The following CAMK2G variants were observed in gnomAD, a reference collection of about 807,000 sequenced individuals.
CAMK2G encodes the protein calcium/calmodulin dependent protein kinase II gamma, also known as calcium/calmodulin-dependent protein kinase type II subunit gamma.
Under a neutral mutation model 88.7 loss-of-function variants are expected in CAMK2G, and 23 were observed. The observed-to-expected ratio is 0.26, with a 90% CI of 0.19 to 0.37. CAMK2G has a LOEUF of 0.37. CAMK2G is among the 10% of genes least tolerant of loss of function. CAMK2G has a pLI of 1.00. For missense variants in CAMK2G, 476 were observed against 780.8 expected (o/e 0.61, Z 4.65); for synonymous variants, 263 against 294.8 (o/e 0.89, Z 1.11).
intron 16 of CAMK2G, among the ~76,000 whole-genome samples, chr10:73,825,017 C>T (rs1027720276): frequency 2.0e-5 from 3 of 152,142 alleles, no homozygotes; most frequent in Non-Finnish European, 4.4e-5. Context: ...CTGGGAGGTT[C>T]AGCTGAGAGC....
At chr10:73,825,222 G>T in intron 16 of CAMK2G, 57 bp downstream of exon 16, 1 of 1,224,836 alleles carries the variant, frequency 8.2e-7, no homozygotes, top group Non-Finnish European at 1.2e-6. Flanking sequence ...AGGAGGAAGA[G>T]GGAAGGGGCA....
At chr10:73,854,642 G>A (rs968256488) in intron 3 of CAMK2G, among the ~76,000 whole-genome samples, 1 of 152,116 alleles carries the variant, frequency 6.6e-6, no homozygotes, top group African/African-American at 2.4e-5. Context: ...TTCCTGGGTG[G>A]GCCCTGGCTG....
intron 14 of CAMK2G, among the ~76,000 whole-genome samples, chr10:73,832,289 G>C (rs1339754660): frequency 6.6e-6 from 1 of 150,424 alleles, no homozygotes; most frequent in Non-Finnish European, 1.5e-5. Context: ...ACCAAATTTA[G>C]AATGATAGTG....
rs1426246982 is a variant in CAMK2G, at chr10:73,837,476, C to T, written c.1045G>A (p.Gly349Ser). The T allele has an allele frequency of 1.2e-5, 20 of 1,613,356 alleles. No homozygotes were observed. The highest frequency in any genetic ancestry group is 1.7e-5 in the Admixed American group (1 of 59,990). The change falls in exon 14 of 23, where the codon GGT (glycine) becomes AGT (serine). Residue 349 changes from glycine to serine, a missense_variant. Physicochemically the swap from Gly to Ser is moderately conservative, Grantham distance 56. Transcript: ENST00000423381. ...KSLLNKKSDG[G>S]VKKRKSSSSV... ...AGGCTGGAGACACTTACCTTGACAC[C>T]GCCATCCGACTTCTTGTTCAATAGG...
Position 73,874,403 on chromosome 10 carries a change from A to C in CAMK2G, c.59T>G (p.Leu20Arg). 1 of 1,499,726 alleles carries C rather than the reference A, an allele frequency of 6.7e-7. No individual in the cohort carries two copies. Among genetic ancestry groups the C allele is most frequent in the Non-Finnish European group, 9.0e-7 (1 of 1,113,944 alleles). The allele number at this position is 1,499,726 out of a possible 1,614,324, so 92.9% of individuals were successfully genotyped here. A position where few individuals can be genotyped will look rare whatever the true frequency, so the allele number is the denominator to read the frequency against. ...CGCGGCGGGCGGGCCGTACTTGCCA[A>C]GCTCCTCGAAGAGCTGGTAGTCGTC... ...FTDDYQLFEE[L>R]GKGAFSVVRR... Residue 20 changes from leucine (L) to arginine (R), a missense_variant, in exon 1 of 23, where the codon CTT becomes CGT. By Grantham distance (102) the Leu-to-Arg change is moderately radical. Transcript: ENST00000423381.
intron 19 of CAMK2G, among the ~76,000 whole-genome samples, chr10:73,819,184 C>T (rs1484914235): frequency 6.6e-6 from 1 of 152,106 alleles, no homozygotes; most frequent in African/African-American, 2.4e-5. Flanking sequence ...CACGATTTCC[C>T]CATCATCCCA....
At chr10:73,826,645 T>C (rs2091037695) in intron 15 of CAMK2G, among the ~76,000 whole-genome samples, 2 of 152,234 alleles carry the variant, frequency 1.3e-5, no homozygotes, top group Admixed American at 1.3e-4. Context: ...AGCAGCCTGA[T>C]GCCTGCAAGT....
chr10:73,857,451 G>A (rs1392543823), intron 3 of CAMK2G, among the ~76,000 whole-genome samples: 1 of 152,136 alleles, frequency 6.6e-6, no homozygotes. Context: ...ATGCGACTCC[G>A]AAGCCGCAAA....
At position 73,848,990 on chromosome 10, in the gene CAMK2G, C is replaced by T. The variant is rs930626041; in HGVS notation, c.517+23G>A. The T allele has an allele frequency of 1.1e-5, 16 of 1,467,942 alleles. No homozygotes were observed. Among genetic ancestry groups the T allele is most frequent in the Middle Eastern group, 1.7e-4 (1 of 5,844 alleles). 90.9% of individuals were successfully genotyped at this position (1,467,942 alleles called of 1,614,324 possible). ...AGGAGGAAGGGCGGGGGCTGCATTC[C>T]GGGAAGACAGGATCACCCTTACCAA... is the stretch of plus-strand genomic sequence containing the variant. On this transcript the variant is annotated intron_variant, in intron 7 of 22. Transcript: ENST00000423381. The surrounding 1 kb of genome is among the most constrained non-coding windows in gnomAD (Gnocchi z 4.5).
At chr10:73,837,096 A>G (rs1172609877) in intron 14 of CAMK2G, 2 of 251,844 alleles carry the variant, frequency 7.9e-6, no homozygotes, top group Non-Finnish European at 1.6e-5. Context: ...TTTGGCTTTC[A>G]TTTGATTAAA....
In CAMK2G at chr10:73,824,088, T is replaced by C. The variant is rs1161420289; in HGVS notation, c.1156-4A>G. ...GTACCACAGTGGTTTGTGGCTCCTGTGAGAGAAGATGAAGATTACCCTTCC... is the reference window on the plus strand; with the variant it reads ...GTACCACAGTGGTTTGTGGCTCCTGCGAGAGAAGATGAAGATTACCCTTCC... On this transcript the variant is annotated splice_region_variant and splice_polypyrimidine_tract_variant and intron_variant, in intron 16 of 22. Transcript: ENST00000423381. The C allele has an allele frequency of 1.2e-6, 2 of 1,611,488 alleles. No homozygotes were observed. The highest frequency in any genetic ancestry group is 3.3e-5 in the Admixed American group (2 of 60,002).
chr10:73,829,759 C>A lies in CAMK2G; in HGVS notation c.1054-1638G>T, dbSNP rs372603332. On this transcript the variant is annotated intron_variant, in intron 14 of 22. Transcript: ENST00000423381. ...TATATCTCCTTATCCCTTTACCCAA[C>A]TAAAGTGTTACTGCTTTCAGGAAGG... Among the ~76,000 whole-genome samples, 128 of 149,500 alleles carry A rather than the reference C, an allele frequency of 8.6e-4. 8 individuals are homozygous for A. The highest frequency in any genetic ancestry group is 2.9e-3 in the African/African-American group (115 of 39,788).
rs868271420 is a variant in CAMK2G, at chr10:73,866,891, C to T, written c.161-6002G>A. 7.9e-5 allele frequency among the ~76,000 whole-genome samples: 12 copies of T among 152,328 alleles called. 1 individual carries two copies. The highest frequency in any genetic ancestry group is 3.4e-3 in the Middle Eastern group (1 of 294). ...CCTGGGACACTGACCAGTGGGAATC[C>T]CAAGCCACGATCCCACCGACCTCAC... On this transcript the variant is annotated intron_variant, in intron 2 of 22. Coordinates refer to ENST00000423381, the MANE Select transcript of CAMK2G (RefSeq NM_001367534.1).
intron 19 of CAMK2G, among the ~76,000 whole-genome samples, chr10:73,819,203 C>A (rs138716861): frequency 3.6e-4 from 55 of 152,284 alleles, no homozygotes; most frequent in Middle Eastern, 3.4e-3. Context: ...CACTCCCACC[C>A]CCACAGACCT....
At chr10:73,830,026 C>G (rs577737051) in intron 14 of CAMK2G, among the ~76,000 whole-genome samples, 1 of 152,268 alleles carries the variant, frequency 6.6e-6, no homozygotes, top group South Asian at 2.1e-4. Context: ...TTGTGAAAGG[C>G]CATTGCAGGA....
chr10:73,851,321 G>A (rs1291936669), intron 5 of CAMK2G, among the ~76,000 whole-genome samples: 4 of 152,216 alleles, frequency 2.6e-5, no homozygotes, highest in African/African-American at 9.7e-5. Context: ...GGAAAGGCAG[G>A]CTGAACAGGC....
chr10:73,873,569 AC>A (rs1044264895), intron 1 of CAMK2G: 2 of 986,498 alleles, frequency 2.0e-6, no homozygotes, highest in East Asian at 1.1e-4. Flanking sequence ...TGAGGCTCAA[AC>A]CCCCCCACAG....
At chr10:73,844,752 C>G (rs2094103570) in intron 10 of CAMK2G, among the ~76,000 whole-genome samples, 1 of 152,100 alleles carries the variant, frequency 6.6e-6, no homozygotes, top group South Asian at 2.1e-4. Context: ...TATTTCCCAC[C>G]TCAATGCCTA....
intron 14 of CAMK2G, among the ~76,000 whole-genome samples, chr10:73,832,455 C>T (rs1410745101): frequency 6.6e-6 from 1 of 152,020 alleles, no homozygotes; most frequent in African/African-American, 2.4e-5. Flanking sequence ...TACAGGCACG[C>T]ACCACCACGC....
Sources: allele counts gnomAD v4.1 joint callset (sites outside exome capture counted in the v4.1 genomes callset), GRCh38; gene constraint gnomAD v4.1.1; non-coding constraint Gnocchi (gnomAD v3.1); transcripts MANE v1.5; gene names NCBI Gene and HGNC (gene_info 2026-07-23, HGNC 2026-07-21).